CTNND2: variants seen among roughly 807,000 people sequenced by gnomAD.
CTNND2 encodes the protein catenin delta-2.
A neutral mutation model predicts 144.4 loss-of-function variants in CTNND2; 22 were observed. That is an observed-to-expected ratio of 0.15 (90% CI 0.11 to 0.22). CTNND2 has a LOEUF of 0.22. Ranked by LOEUF, CTNND2 falls within the 10% of genes least tolerant of loss-of-function variation. CTNND2 has a pLI of 1.00. For synonymous variants in CTNND2, 751 were observed against 695.6 expected, an observed-to-expected ratio of 1.08 and a Z score of -1.25; for missense variants, 1,353 against 1,618.8, an observed-to-expected ratio of 0.84 and a Z score of 2.82.
rs115148468 is a variant in CTNND2 at position 11,838,444 on chromosome 5, C to T, written c.37+65373G>A. On this transcript the variant is annotated intron_variant, in intron 1 of 21. Transcript: ENST00000304623. ...GCAATCTGACAAAAATACAGAGGTT[C>T]AGGCTCTCTCCTTAAATGAATCCCA... Among the ~76,000 whole-genome samples the T allele has an allele frequency of 4.3e-3, 657 of 152,266 alleles. 9 individuals are homozygous for T. The highest frequency in any genetic ancestry group is 0.014 in the African/African-American group (590 of 41,552).
intron 3 of CTNND2, among the ~76,000 whole-genome samples, chr5:11,535,339 G>A (rs1291131819): frequency 6.6e-6 from 1 of 152,158 alleles, no homozygotes; most frequent in Non-Finnish European, 1.5e-5. Context: ...GCAATATGGT[G>A]TAAAATGTGC....
intron 1 of CTNND2, among the ~76,000 whole-genome samples, chr5:11,872,243 A>G (rs1735197567): frequency 2.6e-5 from 4 of 152,168 alleles, no homozygotes; most frequent in Admixed American, 2.6e-4. Flanking sequence ...ATAGTATTCC[A>G]TGGTGTATAC....
At position 11,385,049 on chromosome 5, in the gene CTNND2, C is replaced by A. The variant is rs1467494282; in HGVS notation, c.793G>T (p.Gly265Trp). 6 of 1,114,528 alleles carry A rather than the reference C, an allele frequency of 5.4e-6. No individual in the cohort carries two copies. The highest frequency in any genetic ancestry group is 6.5e-6 in the Non-Finnish European group (6 of 918,692). The allele number at this position is 1,114,528 out of a possible 1,614,324, so 69.0% of individuals were successfully genotyped here. A position where few individuals can be genotyped will look rare whatever the true frequency, so the allele number is the denominator to read the frequency against. Reference sequence around the variant, plus strand: ...TGGGGCGCGGCCAGCGGGGAGCCCCCGCGCGGCGGCGCGGGCAGCGTGGAG... The same window carrying A: ...TGGGGCGCGGCCAGCGGGGAGCCCCAGCGCGGCGGCGCGGGCAGCGTGGAG... ...SSSTLPAPPR[G>W]GSPLAAPQGG... Residue 265 changes from glycine (G) to tryptophan (W), a missense_variant, in exon 7 of 22, where the codon GGG becomes TGG. Transcript: ENST00000304623.
intron 2 of CTNND2, among the ~76,000 whole-genome samples, chr5:11,651,063 A>G (rs1160973308): frequency 6.6e-6 from 1 of 152,210 alleles, no homozygotes; most frequent in Non-Finnish European, 1.5e-5. Flanking sequence ...CCTTGAAGGC[A>G]TTTCACAGAA....
intron 15 of CTNND2, among the ~76,000 whole-genome samples, chr5:11,089,044 T>G (rs9312756): frequency 0.042 from 6,353 of 152,294 alleles, 160 homozygotes; most frequent in African/African-American, 0.063. Context: ...GCTGCTGTTG[T>G]TTTTGCTTCC....
chr5:11,551,806 G>A (rs760761762), intron 3 of CTNND2, among the ~76,000 whole-genome samples: 1 of 152,050 alleles, frequency 6.6e-6, no homozygotes, highest in Admixed American at 6.6e-5. Context: ...TCACCATGTT[G>A]GCCAGGCTGG....
At chr5:11,766,310 T>C (rs546259231) in intron 1 of CTNND2, among the ~76,000 whole-genome samples, 53 of 152,282 alleles carry the variant, frequency 3.5e-4, no homozygotes, top group Non-Finnish European at 6.8e-4. Flanking sequence ...TGGGTGGTGA[T>C]ATGGTTTGGC....
chr5:11,726,198 G>T (rs1181829966), intron 2 of CTNND2, among the ~76,000 whole-genome samples: 1 of 152,024 alleles, frequency 6.6e-6, no homozygotes, highest in Non-Finnish European at 1.5e-5. Context: ...TGTGAAAATG[G>T]AATCAATCTA....
chr5:11,033,436 A>G (rs1027654813), intron 16 of CTNND2, among the ~76,000 whole-genome samples: 3 of 152,226 alleles, frequency 2.0e-5, no homozygotes, highest in African/African-American at 7.2e-5. Flanking sequence ...GGCTTATGTA[A>G]ACAAGTAAGT....
chr5:11,773,361 T>C (rs1031594414), intron 1 of CTNND2, among the ~76,000 whole-genome samples: 2 of 152,226 alleles, frequency 1.3e-5, no homozygotes, highest in African/African-American at 4.8e-5. Context: ...CTGAAAACAC[T>C]TAATTATTTA....
chr5:11,382,595 C>CTGTGTATATATG lies in CTNND2; in HGVS notation c.1177+2069_1177+2070insCATATATACACA, dbSNP rs755324887. Among the ~76,000 whole-genome samples, 10 of 130,234 alleles carry CTGTGTATATATG rather than the reference C, an allele frequency of 7.7e-5. No individual in the cohort carries two copies. In the East Asian group the frequency reaches 2.2e-3, roughly 28 times the overall value. 85.4% of individuals were successfully genotyped at this position (130,234 alleles called of 152,430 possible). The stretch of plus-strand genomic sequence containing the variant: ...CCTGGGCAACCGACAGAGTGAGACT[C>CTGTGTATATATG]TGTGTGTGTGTGTGTGTGTGTGTGT... On this transcript the variant is annotated intron_variant, in intron 7 of 21. Transcript: ENST00000304623.
chr5:11,566,778 C>T (rs1370169823), intron 2 of CTNND2, among the ~76,000 whole-genome samples: 1 of 152,206 alleles, frequency 6.6e-6, no homozygotes, highest in South Asian at 2.1e-4. Context: ...GTGACTTCTC[C>T]ATGGTTTCAC....
At chr5:11,811,726 G>C (rs922001316) in intron 1 of CTNND2, among the ~76,000 whole-genome samples, 2 of 151,976 alleles carry the variant, frequency 1.3e-5, no homozygotes, top group African/African-American at 4.8e-5. Context: ...TTCCATAATG[G>C]GAGATCAGCA....
At chr5:11,314,301 G>C (rs1751287586) in intron 9 of CTNND2, among the ~76,000 whole-genome samples, 1 of 152,046 alleles carries the variant, frequency 6.6e-6, no homozygotes, top group Non-Finnish European at 1.5e-5. Context: ...GTTATATCTG[G>C]ATTCCTGTCT....
chr5:10,997,252 A>G (rs1333125105), intron 18 of CTNND2, among the ~76,000 whole-genome samples: 1 of 152,172 alleles, frequency 6.6e-6, no homozygotes, highest in Non-Finnish European at 1.5e-5. Context: ...GATGGAAGAT[A>G]TTTCAACAAT....
At chr5:11,669,473 T>C (rs1282198014) in intron 2 of CTNND2, among the ~76,000 whole-genome samples, 2 of 152,230 alleles carry the variant, frequency 1.3e-5, no homozygotes, top group Non-Finnish European at 2.9e-5. Flanking sequence ...ATTCGTTTTC[T>C]TCCTGGTTTA....
chr5:11,677,939 C>T (rs1278132189), intron 2 of CTNND2, among the ~76,000 whole-genome samples: 1 of 152,078 alleles, frequency 6.6e-6, no homozygotes, highest in East Asian at 1.9e-4. Context: ...TATTTTTGGC[C>T]TTATTTTCTA....
At chr5:11,824,965 C>G (rs541564552) in intron 1 of CTNND2, among the ~76,000 whole-genome samples, 1 of 152,252 alleles carries the variant, frequency 6.6e-6, no homozygotes, top group East Asian at 1.9e-4. Context: ...GAGGATAATA[C>G]TAGCTACCAC....
intron 9 of CTNND2, among the ~76,000 whole-genome samples, chr5:11,327,751 T>G (rs997858756): frequency 1.3e-5 from 2 of 152,156 alleles, no homozygotes; most frequent in Non-Finnish European, 2.9e-5. Context: ...AATTGGTGAT[T>G]CAGACATTAA....
Sources: allele counts gnomAD v4.1 joint callset (sites outside exome capture counted in the v4.1 genomes callset), GRCh38; gene constraint gnomAD v4.1.1; transcripts MANE v1.5; gene names NCBI Gene and HGNC (gene_info 2026-07-23, HGNC 2026-07-21).